CDH10: variants seen among roughly 807,000 people sequenced by gnomAD.
CDH10 encodes the protein cadherin-10.
In CDH10, 30 loss-of-function variants were observed where a neutral mutation model predicts 73.1. The observed-to-expected ratio is 0.41, with a 90% CI of 0.31 to 0.56. CDH10 has a LOEUF of 0.56. Ranked by LOEUF, CDH10 falls within the 20% of genes least tolerant of loss-of-function variation. The probability of loss-of-function intolerance (pLI) is 0.27; values close to 1 mark genes in which losing one functional copy is unlikely to be tolerated. For missense variants in CDH10, 815 were observed against 973.7 expected (o/e 0.84, Z 2.17); for synonymous variants, 345 against 348.2 (o/e 0.99, Z 0.10).
intron 5 of CDH10, among the ~76,000 whole-genome samples, chr5:24,527,247 T>C (rs1743565280): frequency 1.3e-5 from 2 of 148,176 alleles, no homozygotes; most frequent in South Asian, 4.2e-4. Context: ...ACTTACATAA[T>C]TAAATACATA....
intron 10 of CDH10, among the ~76,000 whole-genome samples, chr5:24,492,227 T>C (rs1229135356): frequency 6.6e-6 from 1 of 152,238 alleles, no homozygotes; most frequent in African/African-American, 2.4e-5. Context: ...CTTACACACA[T>C]ACAGAACACA....
At chr5:24,526,267 C>T (rs916188465) in intron 5 of CDH10, among the ~76,000 whole-genome samples, 4 of 152,092 alleles carry the variant, frequency 2.6e-5, no homozygotes, top group Admixed American at 6.6e-5. Context: ...CAACTTTCCA[C>T]TGGACTAACT....
At chr5:24,502,213 C>T (rs1286957511) in intron 8 of CDH10, among the ~76,000 whole-genome samples, 3 of 152,134 alleles carry the variant, frequency 2.0e-5, no homozygotes, top group African/African-American at 7.2e-5. Flanking sequence ...TGAGCCACCG[C>T]GCCTGGCTCC....
chr5:24,606,841 A>AT (rs1746780295), intron 1 of CDH10, among the ~76,000 whole-genome samples: 1 of 152,168 alleles, frequency 6.6e-6, no homozygotes, highest in African/African-American at 2.4e-5. Flanking sequence ...AAAAGCATTC[A>AT]TTTAAAAATG....
At chr5:24,618,763 C>A in intron 1 of CDH10, among the ~76,000 whole-genome samples, 1 of 152,198 alleles carries the variant, frequency 6.6e-6, no homozygotes, top group East Asian at 1.9e-4. Flanking sequence ...CATGAAACTC[C>A]TTTGTTTAAT....
In CDH10 at chr5:24,610,592, A is replaced by G. The variant is rs1387975610; in HGVS notation, c.-123-16979T>C. Among the ~76,000 whole-genome samples, 7 of 152,310 alleles carry G rather than the reference A, an allele frequency of 4.6e-5. No homozygotes were observed. In the East Asian group the frequency reaches 1.3e-3, roughly 29 times the overall value. On this transcript the variant is annotated intron_variant, in intron 1 of 11. Transcript: ENST00000264463. ...CTACCGAATGGAATTATGATCTGTGAATATAGAGATTATATATTGATTTAA... is the reference window on the plus strand; with the variant it reads ...CTACCGAATGGAATTATGATCTGTGGATATAGAGATTATATATTGATTTAA...
chr5:24,557,086 G>A (rs180870565), intron 2 of CDH10, among the ~76,000 whole-genome samples: 4 of 151,724 alleles, frequency 2.6e-5, no homozygotes, highest in Admixed American at 2.6e-4. Context: ...TGTGTGTATT[G>A]TAGTGGTCAT....
At chr5:24,522,006 C>T (rs544115847) in intron 5 of CDH10, among the ~76,000 whole-genome samples, 1 of 151,808 alleles carries the variant, frequency 6.6e-6, no homozygotes, top group Non-Finnish European at 1.5e-5. Flanking sequence ...TGGTGGCAGG[C>T]GCCTGTAGTC....
intron 10 of CDH10, 33 bp downstream of exon 10, chr5:24,492,784 C>T (rs1402324444): frequency 1.2e-6 from 1 of 851,756 alleles, no homozygotes; most frequent in Non-Finnish European, 2.1e-6. Flanking sequence ...TTAATATCAT[C>T]ATAAGTCATA....
intron 5 of CDH10, among the ~76,000 whole-genome samples, chr5:24,528,128 T>C (rs1743596975): frequency 6.6e-6 from 1 of 151,874 alleles, no homozygotes; most frequent in African/African-American, 2.4e-5. Flanking sequence ...CTGACAGAAG[T>C]TGAGGATATT....
intron 2 of CDH10, among the ~76,000 whole-genome samples, chr5:24,559,816 T>A (rs1020612251): frequency 6.6e-6 from 1 of 152,130 alleles, no homozygotes; most frequent in African/African-American, 2.4e-5. Flanking sequence ...ACATTTTCAT[T>A]TGGAATCATT....
At chr5:24,491,884 T>TA (rs1742067213) in intron 10 of CDH10, 57 bp from the exon 11 acceptor site, 1 of 1,096,598 alleles carries the variant, frequency 9.1e-7, no homozygotes, top group Admixed American at 2.1e-5. Flanking sequence ...TTTCCCAATG[T>TA]GATCACCAAG....
At chr5:24,513,256 C>T (rs1273136333) in intron 5 of CDH10, among the ~76,000 whole-genome samples, 2 of 152,088 alleles carry the variant, frequency 1.3e-5, no homozygotes, top group Admixed American at 6.5e-5. Context: ...TGACCTCCGG[C>T]GATCCTCTCA....
chr5:24,550,697 T>G (rs939639998), intron 2 of CDH10, among the ~76,000 whole-genome samples: 4 of 152,054 alleles, frequency 2.6e-5, no homozygotes, highest in African/African-American at 9.7e-5. Flanking sequence ...ATCATTTCCA[T>G]CCTCCCCACA....
At chr5:24,542,123 A>G (rs2111914664) in intron 2 of CDH10, among the ~76,000 whole-genome samples, 1 of 152,162 alleles carries the variant, frequency 6.6e-6, no homozygotes, top group East Asian at 1.9e-4. Context: ...ATCTTTGTAT[A>G]AAATGAAATT....
chr5:24,527,616 T>A (rs1408398260), intron 5 of CDH10, among the ~76,000 whole-genome samples: 1 of 151,902 alleles, frequency 6.6e-6, no homozygotes, highest in East Asian at 1.9e-4. Context: ...AGCATGTTGC[T>A]GTATTGAATA....
chr5:24,492,866 A>G lies in CDH10; in HGVS notation c.1575T>C (p.Phe525=). The G allele has an allele frequency of 6.3e-7, 1 of 1,594,750 alleles. No homozygotes were observed. Among genetic ancestry groups the G allele is most frequent in the Non-Finnish European group, 8.6e-7 (1 of 1,162,692 alleles). Residue 525 remains phenylalanine, a synonymous_variant, in exon 10 of 12, where the codon TTT becomes TTC. Transcript: ENST00000264463. The part of the protein sequence containing the change: ...KDDPLGGQKF[F]FSLAAVNPNF... The stretch of plus-strand genomic sequence containing the variant: ...TTGGATTGACAGCAGCTAAACTGAA[A>G]AAAAATTTCTGTCCACCTAAAGGGT...
chr5:24,599,939 A>T (rs1182206952), intron 1 of CDH10, among the ~76,000 whole-genome samples: 1 of 152,160 alleles, frequency 6.6e-6, no homozygotes, highest in Non-Finnish European at 1.5e-5. Context: ...TTTATAAAAA[A>T]AGGATTATCT....
intron 5 of CDH10, among the ~76,000 whole-genome samples, chr5:24,519,779 A>T (rs1743245240): frequency 6.6e-6 from 1 of 152,226 alleles, no homozygotes; most frequent in Non-Finnish European, 1.5e-5. Flanking sequence ...ACTTTGGGAA[A>T]TGTAATTTCC....
Sources: gnomAD v4.1 joint callset for allele counts (sites outside exome capture counted in the v4.1 genomes callset) on GRCh38, gnomAD v4.1.1 for gene constraint, MANE v1.5 for transcripts, NCBI Gene and HGNC (gene_info 2026-07-23, HGNC 2026-07-21) for gene names.